The following TULP4 variants were observed in gnomAD, a reference collection of about 807,000 sequenced individuals.
The protein encoded by TULP4 is tubby-related protein 4.
Under a neutral mutation model 129.0 loss-of-function variants are expected in TULP4, and 16 were observed. The observed-to-expected ratio is 0.12, with a 90% CI of 0.08 to 0.19. TULP4 has a LOEUF of 0.19. TULP4 is among the 10% of genes least tolerant of loss of function. TULP4 has a pLI of 1.00. For synonymous variants in TULP4, 998 were observed against 854.0 expected (o/e 1.17, Z -2.94); for missense variants, 1,842 against 2,059.1 (o/e 0.89, Z 2.04).
Position 158,502,351 on chromosome 6 carries a change from C to T in TULP4, c.2688C>T (p.Asn896=), listed in dbSNP as rs759860680. ...TCACCACCTTCGACAGCAGTGGCAA[C>T]GTGGAGGAGGTGTGCCGGCCCCGCA... is the stretch of plus-strand genomic sequence containing the variant. The part of the protein sequence containing the change: ...ERITTFDSSG[N]VEEVCRPRTR... Residue 896 remains asparagine (N), a synonymous_variant, in exon 13 of 14, where the codon AAC becomes AAT. Transcript: ENST00000367097. 71 of 1,613,706 alleles carry T rather than the reference C, an allele frequency of 4.4e-5. No individual in the cohort carries two copies. In the Middle Eastern group the frequency reaches 4.9e-4, roughly 11 times the overall value.
intron 6 of TULP4, 33 bp from the exon 7 acceptor site, chr6:158,479,718 C>G: frequency 1.3e-6 from 2 of 1,599,980 alleles, no homozygotes; most frequent in East Asian, 4.5e-5. Context: ...AGAGCAAAAG[C>G]TTAAGCATTG....
chr6:158,287,472 T>A (rs1295612967), intron 1 of TULP4, among the ~76,000 whole-genome samples: 1 of 152,200 alleles, frequency 6.6e-6, no homozygotes, highest in Non-Finnish European at 1.5e-5. Context: ...TATACGTACA[T>A]TTTGCTTGCT....
Position 158,502,305 on chromosome 6 carries a change from C to A in TULP4, c.2642C>A (p.Thr881Asn). The change falls in exon 13 of 14, where the codon ACC becomes AAC. Residue 881 changes from threonine (T) to asparagine (N), a missense_variant. By Grantham distance (65) the Thr-to-Asn change is moderately conservative. Around this residue, in one of 5 missense-constraint regions of TULP4, gnomAD observed 1,089 missense variants for 987.1 expected, o/e 1.10. Coordinates refer to ENST00000367097, the MANE Select transcript of TULP4 (RefSeq NM_020245.5). ...SLYPTSVHYQ[T>N]PLGYERITTF... ...TACCCCACGTCAGTGCACTACCAGA[C>A]CCCCCTGGGCTATGAGAGGATCACC... 3.7e-6 allele frequency: 6 copies of A among 1,612,898 alleles called. No homozygotes were observed. Among genetic ancestry groups the A allele is most frequent in the Non-Finnish European group, 5.1e-6 (6 of 1,179,704 alleles).
At chr6:158,284,902 C>T (rs188306920) in intron 1 of TULP4, among the ~76,000 whole-genome samples, 90 of 152,314 alleles carry the variant, frequency 5.9e-4, no homozygotes, top group African/African-American at 2.0e-3. Flanking sequence ...CACAGGGTTT[C>T]TGTGGCTATG....
intron 1 of TULP4, among the ~76,000 whole-genome samples, chr6:158,330,004 A>G (rs978766081): frequency 7.0e-5 from 10 of 143,514 alleles, no homozygotes; most frequent in African/African-American, 2.6e-4. Context: ...CATATGTAAT[A>G]TTAAATTTTA....
At chr6:158,277,440 CT>C (rs1486548022), upstream of TULP4, among the ~76,000 whole-genome samples, 1 of 152,160 alleles carries the variant, frequency 6.6e-6, no homozygotes, top group Non-Finnish European at 1.5e-5. Context: ...AATGATAATG[CT>C]TATGACATTA....
intron 1 of TULP4, among the ~76,000 whole-genome samples, chr6:158,365,350 A>G (rs1780910561): frequency 6.7e-6 from 1 of 150,014 alleles, no homozygotes; most frequent in Non-Finnish European, 1.5e-5. Flanking sequence ...CATTTTCAGG[A>G]TTTTGAATAG....
intron 1 of TULP4, among the ~76,000 whole-genome samples, chr6:158,396,701 C>G (rs553468435): frequency 6.6e-6 from 1 of 152,174 alleles, no homozygotes; most frequent in Non-Finnish European, 1.5e-5. Context: ...CTAGAAATAA[C>G]CAGTGTTTAC....
At position 158,413,227 on chromosome 6, in the gene TULP4, C is replaced by T. The variant is rs759379667; in HGVS notation, c.381+34C>T. 6.3e-7 allele frequency: 1 copy of T among 1,592,996 alleles called. No individual in the cohort carries two copies. Among genetic ancestry groups the T allele is most frequent in the Non-Finnish European group, 8.6e-7 (1 of 1,165,796 alleles). On this transcript the variant is annotated intron_variant, in intron 2 of 13. Transcript: ENST00000367097. The surrounding 1 kb of genome is among the most constrained non-coding windows in gnomAD (Gnocchi z 4.9). Reference sequence around the variant, plus strand: ...CAGGCGCAGCTCTGCCAGTGAAGGGCTGCGGGGTAGAGGACTCCCAGACAG... The same window carrying T: ...CAGGCGCAGCTCTGCCAGTGAAGGGTTGCGGGGTAGAGGACTCCCAGACAG...
chr6:158,351,627 A>G (rs1008092630), intron 1 of TULP4, among the ~76,000 whole-genome samples: 4 of 151,392 alleles, frequency 2.6e-5, no homozygotes, highest in Non-Finnish European at 4.4e-5. Flanking sequence ...ACCTTATGTA[A>G]CTCAGGGATT....
chr6:158,259,187 G>A (rs776576409), intron 1 of TULP4, among the ~76,000 whole-genome samples: 6 of 152,312 alleles, frequency 3.9e-5, no homozygotes, highest in African/African-American at 7.2e-5. Flanking sequence ...CCGAGGTTGC[G>A]CCATTGCACT....
intron 2 of TULP4, among the ~76,000 whole-genome samples, chr6:158,416,722 T>G (rs1474777904): frequency 6.6e-6 from 1 of 152,206 alleles, no homozygotes; most frequent in African/African-American, 2.4e-5. Context: ...TACAAGGTAA[T>G]GTCCTAGGCC....
chr6:158,304,070 G>C (rs1583721948), intron 1 of TULP4, among the ~76,000 whole-genome samples: 1 of 152,154 alleles, frequency 6.6e-6, no homozygotes, highest in East Asian at 1.9e-4. Flanking sequence ...GAGAGGGAGA[G>C]AACACAGCAC....
At chr6:158,301,601 C>CA (rs933710255) in intron 1 of TULP4, among the ~76,000 whole-genome samples, 3 of 152,128 alleles carry the variant, frequency 2.0e-5, no homozygotes, top group Non-Finnish European at 2.9e-5. Flanking sequence ...GATAAACAGA[C>CA]AAAGTTTTTG....
upstream of TULP4, among the ~76,000 whole-genome samples, chr6:158,277,303 C>T (rs573687915): frequency 2.0e-5 from 3 of 152,230 alleles, no homozygotes; most frequent in African/African-American, 4.8e-5. Context: ...AATGACCTCT[C>T]AGTCAGGGAG....
chr6:158,249,448 C>T (rs756863210), intron 1 of TULP4, among the ~76,000 whole-genome samples: 29 of 152,146 alleles, frequency 1.9e-4, no homozygotes, highest in Non-Finnish European at 3.5e-4. Flanking sequence ...GAAAGTGGCA[C>T]GCATTCTGTT....
intron 1 of TULP4, among the ~76,000 whole-genome samples, chr6:158,408,725 C>A (rs990622437): frequency 4.8e-4 from 73 of 152,234 alleles, no homozygotes; most frequent in African/African-American, 1.7e-3. Context: ...CCGGTGACAT[C>A]TCTGGGGGCA....
At position 158,502,545 on chromosome 6, in the gene TULP4, A is replaced by G. The variant is rs1156485635; in HGVS notation, c.2882A>G (p.Tyr961Cys). Residue 961 changes from tyrosine (Y) to cysteine (C), a missense_variant, in exon 13 of 14, where the codon TAT (tyrosine) becomes TGT (cysteine). By Grantham distance (194) the Tyr-to-Cys change is radical (BLOSUM62 -2). This residue lies in a region of TULP4 where 1,089 missense variants were observed against 987.1 expected (regional missense o/e 1.10). Coordinates refer to ENST00000367097, the MANE Select transcript of TULP4 (RefSeq NM_020245.5). The part of the protein sequence containing the change: ...YSIPTGDPPP[Y>C]PEIASQLAQG... Reference sequence around the variant, plus strand: ...ATCCCCACCGGGGACCCACCCCCGTATCCTGAAATTGCCAGCCAGCTGGCC... The same window carrying G: ...ATCCCCACCGGGGACCCACCCCCGTGTCCTGAAATTGCCAGCCAGCTGGCC... The G allele has an allele frequency of 4.4e-6, 7 of 1,609,094 alleles. No homozygotes were observed. The highest frequency in any genetic ancestry group is 5.9e-6 in the Non-Finnish European group (7 of 1,179,922).
chr6:158,433,061 G>T (rs1195278637), intron 3 of TULP4, among the ~76,000 whole-genome samples: 6 of 151,954 alleles, frequency 3.9e-5, no homozygotes, highest in East Asian at 1.9e-4. Flanking sequence ...GTCTTTTTTG[G>T]TTTTTTGGAA....
Sources: allele counts gnomAD v4.1 joint callset (sites outside exome capture counted in the v4.1 genomes callset), GRCh38; gene constraint gnomAD v4.1.1; regional missense constraint gnomAD v4.1.1; non-coding constraint Gnocchi (gnomAD v3.1); transcripts MANE v1.5; gene names NCBI Gene and HGNC (gene_info 2026-07-23, HGNC 2026-07-21).